COL6A2: variants seen among roughly 807,000 people sequenced by gnomAD.
COL6A2 encodes collagen alpha-2(VI) chain.
COL6A2 carries 90 observed loss-of-function variants against 124.9 expected under a neutral mutation model. The observed-to-expected ratio is 0.72, with a 90% CI of 0.61 to 0.86. The LOEUF (loss-of-function observed/expected upper bound fraction) is 0.86, where lower values mean the gene tolerates loss of function less well. Among genes scored for constraint, COL6A2 ranks in the 40% least tolerant of loss-of-function variants. The pLI, the probability that COL6A2 is intolerant of heterozygous loss-of-function variation, is 0.00. For synonymous variants in COL6A2, 793 were observed against 618.2 expected (o/e 1.28, Z -4.19); for missense variants, 1,607 against 1,502.5 (o/e 1.07, Z -1.15).
chr21:46,123,552 A>T (rs1241817295), intron 21 of COL6A2, among the ~76,000 whole-genome samples: 2 of 143,492 alleles, frequency 1.4e-5, no homozygotes, highest in Non-Finnish European at 3.2e-5. Context: ...GATGGATGGG[A>T]GGATGGGTGA....
rs2078532275 is a variant in COL6A2 at position 46,119,831 on chromosome 21, A to G, written c.1313A>G (p.Asp438Gly). The change falls in exon 15 of 28, where the codon GAT becomes GGT. Residue 438 changes from aspartate to glycine, a missense_variant. Asp to Gly is a moderately conservative substitution (Grantham distance 94). Transcript: ENST00000300527. ...GGCACCAAGGGCAGCCCAGGCAGCG[A>G]TGGCCCCAAGGGGGAGAAGGTGAGT... Reference protein sequence around the residue: ...DPGTKGSPGSDGPKGEKGDPG... With the variant: ...DPGTKGSPGSGGPKGEKGDPG... The G allele has an allele frequency of 1.9e-6, 3 of 1,562,050 alleles. No individual in the cohort carries two copies. Among genetic ancestry groups the G allele is most frequent in the Non-Finnish European group, 2.6e-6 (3 of 1,152,618 alleles).
Position 46,124,542 on chromosome 21 carries a change from C to T in COL6A2, c.1672-109C>T, listed in dbSNP as rs965016255. On this transcript the variant is annotated intron_variant, in intron 21 of 27. Coordinates refer to ENST00000300527, the MANE Select transcript of COL6A2 (RefSeq NM_001849.4). ...CTTACTCCTTGCACCTGTTAGCCCC[C>T]CCCCCCGCCAAGGGAGGACCCGTGG... The T allele has an allele frequency of 4.0e-4, 386 of 954,466 alleles. 3 individuals are homozygous for T. The African/African-American group carries it at 5.5e-3, about 14-fold the overall frequency. The allele number at this position is 954,466 out of a possible 1,614,324, so 59.1% of individuals were successfully genotyped here. A position where few individuals can be genotyped will look rare whatever the true frequency, so the allele number is the denominator to read the frequency against.
rs529820297 is a variant in COL6A2 at position 46,124,747 on chromosome 21, C to G, written c.1734+34C>G. 210 of 1,608,556 alleles carry G rather than the reference C, an allele frequency of 1.3e-4. 1 individual carries two copies. The South Asian group carries it at 2.1e-3, about 16-fold the overall frequency. ...GTGGCCAGTCCCCATGCCCTCCCCC[C>G]AACCTGCCAGGCCAACACACACCCA... On this transcript the variant is annotated intron_variant, in intron 22 of 27. Coordinates refer to ENST00000300527, the MANE Select transcript of COL6A2 (RefSeq NM_001849.4).
In COL6A2 at chr21:46,129,936, G is replaced by A. The variant is rs1263463552; in HGVS notation, c.2462-2018G>A. On this transcript the variant is annotated intron_variant, in intron 27 of 27. Coordinates refer to ENST00000300527, the MANE Select transcript of COL6A2 (RefSeq NM_001849.4). ...TGCGTCTGGGATGGGGCTGAGGGAGGGTGCTGCCCAGGTGCTGGAGGATGT... is the reference window on the plus strand; with the variant it reads ...TGCGTCTGGGATGGGGCTGAGGGAGAGTGCTGCCCAGGTGCTGGAGGATGT... 4 of 753,450 alleles carry A rather than the reference G, an allele frequency of 5.3e-6. No individual in the cohort carries two copies. In the African/African-American group the frequency reaches 7.7e-5, roughly 14 times the overall value. 46.7% of individuals were successfully genotyped at this position (753,450 alleles called of 1,614,324 possible).
intron 4 of COL6A2, 113 bp downstream of exon 4, chr21:46,112,937 G>A (rs2078425550): frequency 7.5e-7 from 1 of 1,341,456 alleles, no homozygotes; most frequent in African/African-American, 1.4e-5. Flanking sequence ...GAGAGGAGAG[G>A]GAGTCACCTG....
At position 46,132,164 on chromosome 21, in the gene COL6A2, C is replaced by T. The variant is rs1174497288; in HGVS notation, c.2672C>T (p.Ala891Val). 1 of 1,569,784 alleles carries T rather than the reference C, an allele frequency of 6.4e-7. No individual in the cohort carries two copies. Among genetic ancestry groups the T allele is most frequent in the Non-Finnish European group, 8.6e-7 (1 of 1,159,064 alleles). The change falls in exon 28 of 28, where the codon GCC becomes GTC. Residue 891 changes from alanine to valine, a missense_variant. Physicochemically the swap from Ala to Val is moderately conservative, Grantham distance 64. Coordinates refer to ENST00000300527, the MANE Select transcript of COL6A2 (RefSeq NM_001849.4). Reference sequence around the variant, plus strand: ...GGTGGCCCCGGCGAGCAGCAGGTGGCCTTCCCGCTGAGCCACAACCTCACG... The same window carrying T: ...GGTGGCCCCGGCGAGCAGCAGGTGGTCTTCCCGCTGAGCCACAACCTCACG... ...QFGGPGEQQV[A>V]FPLSHNLTAI...
Position 46,132,421 on chromosome 21 carries a change from G to C in COL6A2, c.2929G>C (p.Gly977Arg). The change falls in exon 28 of 28, where the codon GGC becomes CGC. Residue 977 changes from glycine (G) to arginine (R), a missense_variant. Around this residue, in one of 3 missense-constraint regions of COL6A2, gnomAD observed 1,223 missense variants for 1,052.2 expected, o/e 1.16. Transcript: ENST00000300527. ...QNVVPTVLAL[G>R]SDVDMDVLTT... ...CGTGGTACCCACCGTGCTGGCCTTG[G>C]GCAGCGACGTGGACATGGACGTGCT... is the stretch of plus-strand genomic sequence containing the variant. 1 of 1,607,352 alleles carries C rather than the reference G, an allele frequency of 6.2e-7. No homozygotes were observed. The highest frequency in any genetic ancestry group is 8.5e-7 in the Non-Finnish European group (1 of 1,177,294).
chr21:46,123,703 A>AGATG (rs1223939106), intron 21 of COL6A2, among the ~76,000 whole-genome samples: 3 of 34,052 alleles, frequency 8.8e-5, no homozygotes, highest in Admixed American at 3.3e-4. Flanking sequence ...GTAGGTGGGT[A>AGATG]GATGGATGGG....
intron 19 of COL6A2, 144 bp downstream of exon 19, chr21:46,122,302 G>A: frequency 1.6e-6 from 2 of 1,224,298 alleles, no homozygotes; most frequent in Non-Finnish European, 2.4e-6. Context: ...TGGTGAGAAG[G>A]CTTCGGGTGA....
intron 27 of COL6A2, chr21:46,128,907 G>A (rs1376335166): frequency 1.2e-6 from 2 of 1,612,274 alleles, no homozygotes; most frequent in East Asian, 2.2e-5. Flanking sequence ...GCACAGGTTT[G>A]GACGGAGCTG....
chr21:46,132,049 C>G lies in COL6A2; in HGVS notation c.2557C>G (p.Arg853Gly), dbSNP rs759689002. The change falls in exon 28 of 28, where the codon CGG (arginine) becomes GGG (glycine). Residue 853 changes from arginine to glycine, a missense_variant. Around this residue, in one of 3 missense-constraint regions of COL6A2, gnomAD observed 1,223 missense variants for 1,052.2 expected, o/e 1.16. Coordinates refer to ENST00000300527, the MANE Select transcript of COL6A2 (RefSeq NM_001849.4). ...RLGEQNFHKA[R>G]RFVEQVARRL... Reference sequence around the variant, plus strand: ...GGGTGAGCAGAACTTCCACAAGGCCCGGCGCTTCGTGGAGCAGGTGGCGCG... The same window carrying G: ...GGGTGAGCAGAACTTCCACAAGGCCGGGCGCTTCGTGGAGCAGGTGGCGCG... 7.5e-6 allele frequency: 12 copies of G among 1,607,662 alleles called. No individual in the cohort carries two copies. In the Middle Eastern group the frequency reaches 5.0e-4, roughly 66 times the overall value.
At chr21:46,100,337 G>A (rs2078276071) in intron 1 of COL6A2, among the ~76,000 whole-genome samples, 1 of 151,992 alleles carries the variant, frequency 6.6e-6, no homozygotes. Flanking sequence ...TGTTTGGGGT[G>A]TTTGGGGGGT....
Position 46,121,554 on chromosome 21 carries a change from A to G in COL6A2, c.1459-2A>G, listed in dbSNP as rs749974929. 3.7e-6 allele frequency: 6 copies of G among 1,612,760 alleles called. No homozygotes were observed. The highest frequency in any genetic ancestry group is 2.2e-5 in the East Asian group (1 of 44,862). ...ACTTCTGAATTTCTCTCCTGCCCTCAGGGATCTCGGGGAGACCCCGGTGAT... is the reference window on the plus strand; with the variant it reads ...ACTTCTGAATTTCTCTCCTGCCCTCGGGGATCTCGGGGAGACCCCGGTGAT... On this transcript the variant is annotated splice_acceptor_variant, in intron 17 of 27. Coordinates refer to ENST00000300527, the MANE Select transcript of COL6A2 (RefSeq NM_001849.4). LOFTEE classifies it high-confidence loss of function.
rs771873003 is a variant in COL6A2 at position 46,125,777 on chromosome 21, G to C, written c.1970-8G>C. ...CTCTGGCAACGACCTCACGCGTGCG[G>C]CTTGCAGGGACGCGTGTGGGCGTGG... On this transcript the variant is annotated splice_region_variant and splice_polypyrimidine_tract_variant and intron_variant, in intron 25 of 27. Coordinates refer to ENST00000300527, the MANE Select transcript of COL6A2 (RefSeq NM_001849.4). 1.4e-5 allele frequency: 22 copies of C among 1,611,068 alleles called. No individual in the cohort carries two copies. The highest frequency in any genetic ancestry group is 1.8e-5 in the Non-Finnish European group (21 of 1,178,588).
intron 27 of COL6A2, among the ~76,000 whole-genome samples, chr21:46,126,839 T>C (rs1391828480): frequency 6.6e-6 from 1 of 152,114 alleles, no homozygotes; most frequent in Non-Finnish European, 1.5e-5. Context: ...CCATGGGCCT[T>C]GCAGTCTCCC....
At position 46,131,854 on chromosome 21, in the gene COL6A2, G is replaced by A. The variant is rs567817800; in HGVS notation, c.2462-100G>A. 487 of 1,124,636 alleles carry A rather than the reference G, an allele frequency of 4.3e-4. 1 individual carries two copies. The highest frequency in any genetic ancestry group is 2.5e-3 in the Middle Eastern group (9 of 3,554). 69.7% of individuals were successfully genotyped at this position (1,124,636 alleles called of 1,614,324 possible). ...GCAGAGCCCAGTGGTCTGTGAGGTT[G>A]CAGGCAGGGTGCGAATGGAAGGGCA... On this transcript the variant is annotated intron_variant, in intron 27 of 27. Transcript: ENST00000300527.
Position 46,119,084 on chromosome 21 carries a change from G to A in COL6A2, c.1234G>A (p.Gly412Ser). Residue 412 changes from glycine to serine, a missense_variant, in exon 14 of 28, where the codon GGC becomes AGC. Gly to Ser is a moderately conservative substitution (Grantham distance 56, BLOSUM62 0). Transcript: ENST00000300527. ...AAGTCCTGGTGTGAAAGGAGCCAAG[G>A]GCGGGCCTGGGCCCCGCGGACCCAA... is the stretch of plus-strand genomic sequence containing the variant. ...PGSPGVKGAK[G>S]GPGPRGPKGE... The A allele has an allele frequency of 6.2e-7, 1 of 1,612,558 alleles. No individual in the cohort carries two copies. Among genetic ancestry groups the A allele is most frequent in the Non-Finnish European group, 8.5e-7 (1 of 1,179,902 alleles).
In COL6A2 at chr21:46,132,041, A is replaced by G. The variant is rs1321526033; in HGVS notation, c.2549A>G (p.His850Arg). 2 of 1,608,278 alleles carry G rather than the reference A, an allele frequency of 1.2e-6. No homozygotes were observed. The highest frequency in any genetic ancestry group is 1.7e-6 in the Non-Finnish European group (2 of 1,179,192). ...GSERLGEQNFHKARRFVEQVA... is the reference protein window; with the variant it reads ...GSERLGEQNFRKARRFVEQVA... ...GAGCGGCTGGGTGAGCAGAACTTCC[A>G]CAAGGCCCGGCGCTTCGTGGAGCAG... is the stretch of plus-strand genomic sequence containing the variant. The change falls in exon 28 of 28, where the codon CAC (histidine) becomes CGC (arginine). Residue 850 changes from histidine (H) to arginine (R), a missense_variant. Around this residue, in one of 3 missense-constraint regions of COL6A2, gnomAD observed 1,223 missense variants for 1,052.2 expected, o/e 1.16. Coordinates refer to ENST00000300527, the MANE Select transcript of COL6A2 (RefSeq NM_001849.4).
At position 46,112,475 on chromosome 21, in the gene COL6A2, C is replaced by G. The variant is rs773143298; in HGVS notation, c.612C>G (p.Ile204Met). Residue 204 changes from isoleucine to methionine, a missense_variant, in exon 3 of 28, where the codon ATC becomes ATG. Coordinates refer to ENST00000300527, the MANE Select transcript of COL6A2 (RefSeq NM_001849.4). ...QNLKEQGLRD[I>M]ASTPHELYRN... ...TGAAGGAGCAGGGCCTGCGGGACAT[C>G]GCCAGCACGCCGCACGAGCTCTACC... The G allele has an allele frequency of 1.4e-5, 22 of 1,610,952 alleles. No individual in the cohort carries two copies. Among genetic ancestry groups the G allele is most frequent in the East Asian group, 4.5e-5 (2 of 44,846 alleles).
Sources: gnomAD v4.1 joint callset for allele counts (sites outside exome capture counted in the v4.1 genomes callset) on GRCh38, gnomAD v4.1.1 for gene constraint, gnomAD v4.1.1 regional missense constraint, MANE v1.5 for transcripts, NCBI Gene and HGNC (gene_info 2026-07-23, HGNC 2026-07-21) for gene names.